Variants in CNTNAP5 observed in about 807,000 individuals in gnomAD.
The protein encoded by CNTNAP5 is contactin-associated protein-like 5.
Under a neutral mutation model 150.2 loss-of-function variants are expected in CNTNAP5, and 72 were observed. The ratio of observed to expected loss-of-function variants is 0.48; its 90% confidence interval spans 0.40 to 0.58. The LOEUF is 0.58. CNTNAP5 is among the 20% of genes least tolerant of loss of function. The probability of loss-of-function intolerance (pLI) is 0.00; values close to 1 mark genes in which losing one functional copy is unlikely to be tolerated. For synonymous variants in CNTNAP5, 672 were observed against 619.8 expected, an observed-to-expected ratio of 1.08 and a Z score of -1.25; for missense variants, 1,636 against 1,626.2, an observed-to-expected ratio of 1.01 and a Z score of -0.10.
chr2:124,119,130 G>A (rs1301892956), intron 1 of CNTNAP5, among the ~76,000 whole-genome samples: 1 of 152,050 alleles, frequency 6.6e-6, no homozygotes, highest in African/African-American at 2.4e-5. Context: ...TGCCATTTCT[G>A]TGTCAGTTCT....
chr2:124,135,247 T>C (rs1319925000), intron 1 of CNTNAP5: 1 of 152,240 alleles, frequency 6.6e-6, no homozygotes, highest in Non-Finnish European at 1.5e-5. Flanking sequence ...AACTCATATC[T>C]GCTGGAGAAC....
chr2:124,560,892 G>C (rs536349953), intron 10 of CNTNAP5, among the ~76,000 whole-genome samples: 27 of 151,986 alleles, frequency 1.8e-4, no homozygotes, highest in African/African-American at 6.3e-4. Flanking sequence ...TGACCACTGA[G>C]AATGTCTGGG....
chr2:124,343,089 G>T (rs1689657494), intron 3 of CNTNAP5, among the ~76,000 whole-genome samples: 1 of 152,126 alleles, frequency 6.6e-6, no homozygotes. Flanking sequence ...AAAGCAGTTA[G>T]TTGTGGACAA....
intron 13 of CNTNAP5, among the ~76,000 whole-genome samples, chr2:124,701,207 G>C (rs1442096191): frequency 1.3e-5 from 2 of 151,980 alleles, no homozygotes; most frequent in Non-Finnish European, 2.9e-5. Context: ...TAACCAATGT[G>C]TTGTTCTCGA....
chr2:124,510,338 TCC>T (rs1217643989), intron 8 of CNTNAP5, among the ~76,000 whole-genome samples: 1 of 100,942 alleles, frequency 9.9e-6, no homozygotes, highest in African/African-American at 3.9e-5. Flanking sequence ...TATATATATC[TCC>T]ATATGTCAAC....
At chr2:124,033,631 T>C (rs1400723545) in intron 1 of CNTNAP5, among the ~76,000 whole-genome samples, 5 of 152,166 alleles carry the variant, frequency 3.3e-5, no homozygotes, top group African/African-American at 9.7e-5. Flanking sequence ...GGCATAGTCA[T>C]CAAAAGTGAA....
At chr2:124,689,777 A>G (rs1263022862) in intron 13 of CNTNAP5, among the ~76,000 whole-genome samples, 2 of 152,050 alleles carry the variant, frequency 1.3e-5, no homozygotes, top group Non-Finnish European at 2.9e-5. Flanking sequence ...TAATATTTTT[A>G]TTCTTAGTTC....
intron 13 of CNTNAP5, among the ~76,000 whole-genome samples, chr2:124,724,157 A>AATAATAATG (rs1377553462): frequency 6.7e-6 from 1 of 149,512 alleles, no homozygotes; most frequent in African/African-American, 2.5e-5. Flanking sequence ...TAATAATAAT[A>AATAATAATG]ATAATAATAA....
At chr2:124,730,029 G>C (rs1224444585) in intron 13 of CNTNAP5, among the ~76,000 whole-genome samples, 11 of 152,046 alleles carry the variant, frequency 7.2e-5, no homozygotes. Flanking sequence ...AGGTTTGCTA[G>C]CATCAGACTT....
At chr2:124,444,703 C>G (rs1692768041) in intron 5 of CNTNAP5, among the ~76,000 whole-genome samples, 1 of 152,206 alleles carries the variant, frequency 6.6e-6, no homozygotes, top group African/African-American at 2.4e-5. Flanking sequence ...ACTGTGTGAC[C>G]TAGCCTACAA....
At chr2:124,905,043 A>G (rs1456585265) in intron 22 of CNTNAP5, among the ~76,000 whole-genome samples, 2 of 148,164 alleles carry the variant, frequency 1.3e-5, no homozygotes, top group Non-Finnish European at 3.0e-5. Context: ...AATAGCAAAA[A>G]AAAAAAAAAA....
intron 13 of CNTNAP5, among the ~76,000 whole-genome samples, chr2:124,672,116 G>T (rs781119743): frequency 2.6e-5 from 4 of 152,118 alleles, no homozygotes; most frequent in Admixed American, 6.6e-5. Context: ...GTGTGAGCAG[G>T]ATTGGTTTAT....
intron 19 of CNTNAP5, among the ~76,000 whole-genome samples, chr2:124,801,359 T>G (rs1681962176): frequency 6.6e-6 from 1 of 152,170 alleles, no homozygotes; most frequent in South Asian, 2.1e-4. Context: ...TTTCCCACAT[T>G]TCTACAGCAA....
At chr2:124,386,815 G>A (rs561038217) in intron 3 of CNTNAP5, among the ~76,000 whole-genome samples, 30 of 142,596 alleles carry the variant, frequency 2.1e-4, no homozygotes, top group Admixed American at 2.0e-3. Context: ...GTGGATGTTT[G>A]TGTCCCCCCA....
chr2:124,794,830 A>G (rs1441426623), intron 18 of CNTNAP5, among the ~76,000 whole-genome samples: 3 of 152,286 alleles, frequency 2.0e-5, no homozygotes. Context: ...ATACTATTTC[A>G]TCTACAAATA....
At chr2:124,750,982 CAAAAA>C (rs745635606) in intron 14 of CNTNAP5, among the ~76,000 whole-genome samples, 2 of 75,470 alleles carry the variant, frequency 2.7e-5, no homozygotes, top group Non-Finnish European at 4.8e-5. Flanking sequence ...GACTCCATCT[CAAAAA>C]AAAAAAAAAA....
intron 2 of CNTNAP5, among the ~76,000 whole-genome samples, chr2:124,225,561 G>T (rs1289553414): frequency 6.6e-6 from 1 of 152,122 alleles, no homozygotes; most frequent in Non-Finnish European, 1.5e-5. Flanking sequence ...TATGCATTTT[G>T]AAATAATTAC....
intron 1 of CNTNAP5, among the ~76,000 whole-genome samples, chr2:124,201,444 C>T (rs946565851): frequency 1.3e-5 from 2 of 152,290 alleles, no homozygotes; most frequent in Non-Finnish European, 2.9e-5. Flanking sequence ...TTTAATCCTC[C>T]TCAACACAAT....
chr2:124,549,352 T>C (rs1486937352), intron 10 of CNTNAP5, among the ~76,000 whole-genome samples: 6 of 152,226 alleles, frequency 3.9e-5, no homozygotes, highest in Non-Finnish European at 7.3e-5. Flanking sequence ...TGTGTCCTTT[T>C]TGGCTTGCAC....
Sources: allele counts gnomAD v4.1 joint callset (sites outside exome capture counted in the v4.1 genomes callset), GRCh38; gene constraint gnomAD v4.1.1; transcripts MANE v1.5; gene names NCBI Gene and HGNC (gene_info 2026-07-23, HGNC 2026-07-21).